Variants in LAMA5 observed in about 807,000 individuals in gnomAD.
LAMA5 encodes laminin subunit alpha 5, also known as laminin subunit alpha-5.
A neutral mutation model predicts 433.4 loss-of-function variants in LAMA5; 260 were observed. The observed-to-expected ratio is 0.60, with a 90% CI of 0.54 to 0.66. LAMA5 has a LOEUF of 0.66. Ranked by LOEUF, LAMA5 falls within the 30% of genes least tolerant of loss-of-function variation. The pLI, the probability that LAMA5 is intolerant of heterozygous loss-of-function variation, is 0.00. For missense variants in LAMA5, 5,378 were observed against 5,258.5 expected (o/e 1.02, Z -0.70); for synonymous variants, 2,620 against 2,226.6 (o/e 1.18, Z -4.97).
In LAMA5 at chr20:62,333,127, G is replaced by C. The variant is rs1381384875; in HGVS notation, c.3245C>G (p.Pro1082Arg). 1 of 1,486,884 alleles carries C rather than the reference G, an allele frequency of 6.7e-7. No individual in the cohort carries two copies. The highest frequency in any genetic ancestry group is 1.4e-5 in the South Asian group (1 of 72,006). 92.1% of individuals were successfully genotyped at this position (1,486,884 alleles called of 1,614,324 possible). The change falls in exon 26 of 80, where the codon CCG (proline) becomes CGG (arginine). Residue 1082 changes from proline to arginine, a missense_variant. Pro to Arg is a moderately radical substitution (Grantham distance 103). Transcript: ENST00000252999. ...GCAGGTGATCAGTGGCGGGTGCGAC[G>C]GGCTGAGCTGCTCCGTGGGGCAGGG... is the stretch of plus-strand genomic sequence containing the variant. ...PRPCPTEQLS[P>R]SHPPLITCTG...
intron 77 of LAMA5, 48 bp downstream of exon 77, chr20:62,310,130 A>T: frequency 6.2e-7 from 1 of 1,611,454 alleles, no homozygotes; most frequent in Non-Finnish European, 8.5e-7. Context: ...AGGTCACCAG[A>T]ATGGGGAGGC....
At position 62,312,474 on chromosome 20, in the gene LAMA5, C is replaced by T. The variant is rs1986401128; in HGVS notation, c.9286G>A (p.Ala3096Thr). ...SVRGCVKGIK[A>T]LGKYVDLKRL... ...TTGAGGTCCACATACTTGCCCAGGGCCTTGATGCCTTTGACGCAGCCACGG... is the reference window on the plus strand; with the variant it reads ...TTGAGGTCCACATACTTGCCCAGGGTCTTGATGCCTTTGACGCAGCCACGG... The change falls in exon 68 of 80, where the codon GCC (alanine) becomes ACC (threonine). Residue 3096 changes from alanine (A) to threonine (T), a missense_variant. Transcript: ENST00000252999. 1.9e-6 allele frequency: 3 copies of T among 1,598,428 alleles called. No individual in the cohort carries two copies. The African/African-American group carries it at 4.0e-5, about 21-fold the overall frequency.
intron 28 of LAMA5, among the ~76,000 whole-genome samples, chr20:62,331,732 G>A (rs1345741135): frequency 6.6e-6 from 1 of 152,176 alleles, no homozygotes; most frequent in African/African-American, 2.4e-5. Context: ...AGACGCGGCT[G>A]CACAGAACAT....
Position 62,324,198 on chromosome 20 carries a change from G to A in LAMA5, c.5650C>T (p.Gln1884Ter). The change falls in exon 43 of 80, where the codon CAG becomes TAG. Residue 1884 changes from glutamine (Q) to a stop codon, truncating the protein, a stop_gained. Coordinates refer to ENST00000252999, the MANE Select transcript of LAMA5 (RefSeq NM_005560.6). LOFTEE classifies it high-confidence loss of function. This position sits in a 1 kb window ranked among gnomAD's most constrained non-coding sequence, Gnocchi z 4.4. ...CAGTGGGCCCCTTCGGTGTTGTGCT[G>A]GCAGTCCTGGGGCAGAGTGGACAGT... ...LPGSGVCVDC[Q>*]HNTEGAHCER... is the part of the protein sequence containing the mutation. 6.3e-7 allele frequency: 1 copy of A among 1,577,506 alleles called. No individual in the cohort carries two copies. The highest frequency in any genetic ancestry group is 1.2e-5 in the South Asian group (1 of 85,284).
intron 12 of LAMA5, 28 bp from the exon 13 acceptor site, chr20:62,338,397 G>C: frequency 1.9e-6 from 3 of 1,606,944 alleles, no homozygotes; most frequent in Non-Finnish European, 2.5e-6. Flanking sequence ...CCACATGCTT[G>C]GTCAGAGGCA....
chr20:62,312,300 G>A lies in LAMA5; in HGVS notation c.9377C>T (p.Thr3126Ile), dbSNP rs149357675. The change falls in exon 69 of 80, where the codon ACT (threonine) becomes ATT (isoleucine). Residue 3126 changes from threonine to isoleucine, a missense_variant. Physicochemically the swap from Thr to Ile is moderately conservative, Grantham distance 89. Transcript: ENST00000252999. ...TADLLVGRAM[T>I]FHGHGFLRLA... ...GCGAAGGAAGCCGTGGCCATGGAAA[G>A]TCATGGCGCGCCCCACCTGCGGGGA... is the stretch of plus-strand genomic sequence containing the variant. 4,602 of 1,610,326 alleles carry A rather than the reference G, an allele frequency of 2.9e-3. 11 individuals carry two copies. Among genetic ancestry groups the A allele is most frequent in the Non-Finnish European group, 3.6e-3 (4,193 of 1,179,460 alleles).
At position 62,346,781 on chromosome 20, in the gene LAMA5, A is replaced by G; in HGVS notation, c.1092T>C (p.His364=). 6.2e-7 allele frequency: 1 copy of G among 1,612,436 alleles called. No homozygotes were observed. Among genetic ancestry groups the G allele is most frequent in the Non-Finnish European group, 8.5e-7 (1 of 1,179,622 alleles). The change falls in exon 8 of 80, where the codon CAT becomes CAC. Residue 364 remains histidine, a synonymous_variant. Transcript: ENST00000252999. ...NECQSCNCYG[H]ATDCYYDPEV... Reference sequence around the variant, plus strand: ...CAGGGTCGTAGTAACAGTCGGTGGCATGGCCGTAGCAGTTACAGGCTAGAG... The same window carrying G: ...CAGGGTCGTAGTAACAGTCGGTGGCGTGGCCGTAGCAGTTACAGGCTAGAG...
rs141060476 is a variant in LAMA5 at position 62,328,984 on chromosome 20, C to T, written c.4307G>A (p.Arg1436His). The change falls in exon 34 of 80, where the codon CGT (arginine) becomes CAT (histidine). Residue 1436 changes from arginine (R) to histidine (H), a missense_variant. Coordinates refer to ENST00000252999, the MANE Select transcript of LAMA5 (RefSeq NM_005560.6). ...SLSLFYNNGA[R>H]PCGCHEVGAT... ...ACCTACTTCGTGGCAGCCACATGGACGGGCTCCGTTGTTATAGAAGAGGGA... is the reference window on the plus strand; with the variant it reads ...ACCTACTTCGTGGCAGCCACATGGATGGGCTCCGTTGTTATAGAAGAGGGA... 947 of 1,612,582 alleles carry T rather than the reference C, an allele frequency of 5.9e-4. 6 individuals are homozygous for T. The African/African-American group carries it at 0.012, about 20-fold the overall frequency.
At chr20:62,355,752 C>G (rs1985112322) in intron 2 of LAMA5, among the ~76,000 whole-genome samples, 1 of 151,294 alleles carries the variant, frequency 6.6e-6, no homozygotes, top group African/African-American at 2.5e-5. Context: ...CTCAGCAGCC[C>G]CCTGTGGGCC....
intron 2 of LAMA5, chr20:62,356,510 A>T (rs1257093294): frequency 6.6e-6 from 1 of 152,236 alleles, no homozygotes; most frequent in Non-Finnish European, 1.5e-5. Flanking sequence ...AAAATCGGCT[A>T]TTTTGGGGCA....
In LAMA5 at chr20:62,317,790, G is replaced by A. The variant is rs750386379; in HGVS notation, c.7240-12C>T. 42 of 1,558,066 alleles carry A rather than the reference G, an allele frequency of 2.7e-5. No individual in the cohort carries two copies. The highest frequency in any genetic ancestry group is 3.1e-5 in the Non-Finnish European group (35 of 1,143,372). On this transcript the variant is annotated splice_polypyrimidine_tract_variant and intron_variant, in intron 53 of 79. Transcript: ENST00000252999. Reference sequence around the variant, plus strand: ...TCCTGCTTCCTTTGCTGAAGGCAATGCAGGGGAGTTGGGGACAATGAGGGG... The same window carrying A: ...TCCTGCTTCCTTTGCTGAAGGCAATACAGGGGAGTTGGGGACAATGAGGGG...
intron 6 of LAMA5, among the ~76,000 whole-genome samples, chr20:62,350,721 C>A (rs565003484): frequency 9.8e-5 from 15 of 152,292 alleles, no homozygotes; most frequent in African/African-American, 3.6e-4. Context: ...TCTGTCCAGC[C>A]CCATGCCTGC....
At position 62,311,066 on chromosome 20, in the gene LAMA5, G is replaced by A; in HGVS notation, c.10117C>T (p.Arg3373Ter). 6 of 1,594,570 alleles carry A rather than the reference G, an allele frequency of 3.8e-6. No individual in the cohort carries two copies. Among genetic ancestry groups the A allele is most frequent in the Non-Finnish European group, 5.1e-6 (6 of 1,170,518 alleles). Residue 3373 changes from arginine (R) to a stop codon, truncating the protein, a stop_gained, in exon 74 of 80, where the codon CGA becomes TGA. Coordinates refer to ENST00000252999, the MANE Select transcript of LAMA5 (RefSeq NM_005560.6). LOFTEE classifies it high-confidence loss of function. ...AAGAGGAGGAGGCCTCGGGAGCTTC[G>A]CGGGAGGACGTGCATGGAGAGACTG... ...WPSLSMHVLP[R>*]SSRGLLLFTA...
In LAMA5 at chr20:62,309,846, G is replaced by T. The variant is rs928155129; in HGVS notation, c.10829-11C>A. On this transcript the variant is annotated splice_polypyrimidine_tract_variant and intron_variant, in intron 78 of 79. Transcript: ENST00000252999. ...TCCCGCTTTTCATCACTGGGAGAAAGGGGGACTCCTGAGGCCAGGTGGTCC... is the reference window on the plus strand; with the variant it reads ...TCCCGCTTTTCATCACTGGGAGAAATGGGGACTCCTGAGGCCAGGTGGTCC... 4 of 1,611,408 alleles carry T rather than the reference G, an allele frequency of 2.5e-6. No homozygotes were observed. The African/African-American group carries it at 4.0e-5, about 16-fold the overall frequency.
At position 62,343,785 on chromosome 20, in the gene LAMA5, A is replaced by AAAAAAGAAAAAG. The variant is rs1197177838; in HGVS notation, c.1477+2032_1477+2033insCTTTTTCTTTTT. On this transcript the variant is annotated intron_variant, in intron 11 of 79. Transcript: ENST00000252999. ...GAGTGAAACTCCATCAAAAAAAAAA[A>AAAAAAGAAAAAG]AAAGAAAGCACTCGAAAAGTCAAGA... Among the ~76,000 whole-genome samples, 1,231 of 150,144 alleles carry AAAAAAGAAAAAG rather than the reference A, an allele frequency of 8.2e-3. 32 individuals are homozygous for AAAAAAGAAAAAG. The highest frequency in any genetic ancestry group is 0.028 in the African/African-American group (1,151 of 40,904).
chr20:62,316,729 C>T lies in LAMA5; in HGVS notation c.7698G>A (p.Leu2566=), dbSNP rs1601294442. ...QGLVDRAQQL[L]ANSTALEEAM... is the part of the protein sequence containing the mutation. ...CCTCTTCTAGTGCAGTGCTGTTGGC[C>T]AGGAGCTGCTGGGCTCGGTCCACCA... Residue 2566 remains leucine, a synonymous_variant, in exon 57 of 80, where the codon CTG becomes CTA. Coordinates refer to ENST00000252999, the MANE Select transcript of LAMA5 (RefSeq NM_005560.6). 1 of 1,609,528 alleles carries T rather than the reference C, an allele frequency of 6.2e-7. No individual in the cohort carries two copies. The highest frequency in any genetic ancestry group is 8.5e-7 in the Non-Finnish European group (1 of 1,178,176).
intron 50 of LAMA5, among the ~76,000 whole-genome samples, chr20:62,320,318 C>CAAAAAAAAAAAAAAAAAAAAAAAAAAAA (rs60260941): frequency 2.0e-5 from 1 of 51,250 alleles, no homozygotes; most frequent in Non-Finnish European, 3.4e-5. Flanking sequence ...AACTGTGTCT[C>CAAAAAAAAAAAAAAAAAAAAAAAAAAAA]AAAAAAAAAA....
rs1328413647 is a variant in LAMA5, at chr20:62,329,020, G to C, written c.4271C>G (p.Ala1424Gly). The change falls in exon 34 of 80, where the codon GCT becomes GGT. Residue 1424 changes from alanine to glycine, a missense_variant. Physicochemically the swap from Ala to Gly is moderately conservative, Grantham distance 60. Coordinates refer to ENST00000252999, the MANE Select transcript of LAMA5 (RefSeq NM_005560.6). ...GTTATAGAAGAGGGAGAGGGAAGCAGCAGCGTTTCGGCAGAACAGGGATGA... is the reference window on the plus strand; with the variant it reads ...GTTATAGAAGAGGGAGAGGGAAGCACCAGCGTTTCGGCAGAACAGGGATGA... ...SSSSLFCRNA[A>G]ASLSLFYNNG... 1.9e-6 allele frequency: 3 copies of C among 1,612,706 alleles called. No homozygotes were observed. The South Asian group carries it at 3.3e-5, about 18-fold the overall frequency.
In LAMA5 at chr20:62,320,625, C is replaced by T. The variant is rs1306785666; in HGVS notation, c.6693G>A (p.Gln2231=). 1 of 1,609,796 alleles carries T rather than the reference C, an allele frequency of 6.2e-7. No homozygotes were observed. The highest frequency in any genetic ancestry group is 1.3e-5 in the African/African-American group (1 of 75,024). Residue 2231 remains glutamine (Q), a synonymous_variant, in exon 50 of 80, where the codon CAG becomes CAA. Transcript: ENST00000252999. The part of the protein sequence containing the change: ...SPLGPRHETA[Q]QLEVLEQQST... ...TCTGCTGCTCCAGCACCTCCAGCTG[C>T]TGTGCCGTCTCATGGCGGGGGCCCA...
Sources: gnomAD v4.1 joint callset for allele counts (sites outside exome capture counted in the v4.1 genomes callset) on GRCh38, gnomAD v4.1.1 for gene constraint, Gnocchi (gnomAD v3.1) non-coding constraint, MANE v1.5 for transcripts, NCBI Gene and HGNC (gene_info 2026-07-23, HGNC 2026-07-21) for gene names.